TENM3: variants seen among roughly 807,000 people sequenced by gnomAD.
TENM3 encodes teneurin-3.
Under a neutral mutation model 255.1 loss-of-function variants are expected in TENM3, and 63 were observed. That is an observed-to-expected ratio of 0.25 (90% confidence interval 0.20 to 0.30). The LOEUF is 0.30. Ranked by LOEUF, TENM3 falls within the 10% of genes least tolerant of loss-of-function variation. The probability of loss-of-function intolerance (pLI) is 1.00; values close to 1 mark genes in which losing one functional copy is unlikely to be tolerated. For synonymous variants in TENM3, 1,306 were observed against 1,322.3 expected, an observed-to-expected ratio of 0.99 and a Z score of 0.27; for missense variants, 2,929 against 3,461.1, an observed-to-expected ratio of 0.85 and a Z score of 3.86.
intron 1 of TENM3, among the ~76,000 whole-genome samples, chr4:182,225,638 G>A (rs567838850): frequency 1.3e-5 from 2 of 152,300 alleles, no homozygotes; most frequent in Non-Finnish European, 2.9e-5. Flanking sequence ...CTTGAGGTTC[G>A]TTGAGGGAAA....
intron 3 of TENM3, among the ~76,000 whole-genome samples, chr4:182,384,261 T>C (rs1767755552): frequency 6.6e-6 from 1 of 151,528 alleles, no homozygotes; most frequent in Non-Finnish European, 1.5e-5. Context: ...CATGTGTTTA[T>C]ACCCAGAAAA....
intron 3 of TENM3, among the ~76,000 whole-genome samples, chr4:182,407,405 ATAT>A (rs1410534329): frequency 6.6e-6 from 1 of 152,222 alleles, no homozygotes; most frequent in African/African-American, 2.4e-5. Flanking sequence ...TCAAAATAAC[ATAT>A]TATAGGGAAG....
At chr4:181,801,651 A>AATATT in the TENM3 span, among the ~76,000 whole-genome samples, 1 of 80,948 alleles carries the variant, frequency 1.2e-5, no homozygotes, top group African/African-American at 4.3e-5. Context: ...AGAATTGTAA[A>AATATT]ATATATATAT....
chr4:181,479,629 CT>C, the TENM3 span, among the ~76,000 whole-genome samples: 1 of 151,878 alleles, frequency 6.6e-6, no homozygotes, highest in African/African-American at 2.4e-5. Context: ...GGAATTATAG[CT>C]TTATATCAAA....
chr4:182,072,511 T>G, the TENM3 span, among the ~76,000 whole-genome samples: 27 of 152,332 alleles, frequency 1.8e-4, no homozygotes, highest in East Asian at 4.6e-3. Context: ...TAGCTAATTC[T>G]TGAAACCAAA....
chr4:182,072,880 G>C, the TENM3 span, among the ~76,000 whole-genome samples: 2 of 152,122 alleles, frequency 1.3e-5, no homozygotes, highest in African/African-American at 2.4e-5. Context: ...CCCCCAACAT[G>C]ACAGTATTTG....
At chr4:182,699,207 A>G (rs565387191) in intron 12 of TENM3, among the ~76,000 whole-genome samples, 2 of 152,346 alleles carry the variant, frequency 1.3e-5, no homozygotes, top group African/African-American at 4.8e-5. Context: ...GCCCACTGGA[A>G]GGCGGGCCCA....
the TENM3 span, among the ~76,000 whole-genome samples, chr4:182,005,998 C>G: frequency 3.3e-5 from 5 of 152,148 alleles, no homozygotes; most frequent in Admixed American, 3.3e-4. Flanking sequence ...AACATAAAAT[C>G]ATGTAGCCTG....
the TENM3 span, among the ~76,000 whole-genome samples, chr4:181,774,006 T>TTG: frequency 3.0e-5 from 1 of 33,628 alleles, no homozygotes; most frequent in Non-Finnish European, 5.9e-5. Flanking sequence ...TGGCTGTGTT[T>TTG]TTTTTTTTTT....
chr4:182,544,063 C>T (rs907563816), intron 3 of TENM3, among the ~76,000 whole-genome samples: 1 of 152,130 alleles, frequency 6.6e-6, no homozygotes, highest in Admixed American at 6.5e-5. Context: ...GTCAGTTTTC[C>T]TCTCAATGTT....
chr4:182,435,158 CT>C (rs1440049787), intron 3 of TENM3, among the ~76,000 whole-genome samples: 3 of 152,156 alleles, frequency 2.0e-5, no homozygotes, highest in African/African-American at 7.2e-5. Context: ...TTGTCATAGT[CT>C]TTGCTGGTGG....
chr4:182,086,088 T>C, the TENM3 span, among the ~76,000 whole-genome samples: 1 of 152,196 alleles, frequency 6.6e-6, no homozygotes, highest in Non-Finnish European at 1.5e-5. Context: ...GCATTTGAAG[T>C]GTTTTGTTGG....
At chr4:181,916,693 A>G in the TENM3 span, among the ~76,000 whole-genome samples, 1 of 152,156 alleles carries the variant, frequency 6.6e-6, no homozygotes, top group Non-Finnish European at 1.5e-5. Context: ...CCTGGCCAAC[A>G]TGGTGAAACC....
intron 3 of TENM3, among the ~76,000 whole-genome samples, chr4:182,436,234 A>T (rs1772034993): frequency 6.6e-6 from 1 of 152,150 alleles, no homozygotes; most frequent in Non-Finnish European, 1.5e-5. Flanking sequence ...ACTAATAAGT[A>T]AGGGAGATGT....
At chr4:181,991,423 C>T in the TENM3 span, among the ~76,000 whole-genome samples, 1 of 152,058 alleles carries the variant, frequency 6.6e-6, no homozygotes, top group Non-Finnish European at 1.5e-5. Context: ...AAAAGGTTTC[C>T]GCCTAGTTGT....
chr4:182,447,283 A>AC (rs1773005659), intron 3 of TENM3, among the ~76,000 whole-genome samples: 1 of 151,988 alleles, frequency 6.6e-6, no homozygotes, highest in African/African-American at 2.4e-5. Context: ...AAAAAAAAAA[A>AC]AACTAAGGTG....
At chr4:182,081,945 A>G in the TENM3 span, 1 of 152,232 alleles carries the variant, frequency 6.6e-6, no homozygotes, top group Non-Finnish European at 1.5e-5. Flanking sequence ...GATGATACCA[A>G]AACCCTATTG....
chr4:182,697,594 A>T (rs1231307546), intron 12 of TENM3, among the ~76,000 whole-genome samples: 4 of 152,074 alleles, frequency 2.6e-5, no homozygotes, highest in African/African-American at 9.7e-5. Flanking sequence ...CCCCTTCAGA[A>T]CTCGGGAGTA....
intron 1 of TENM3, among the ~76,000 whole-genome samples, chr4:182,218,265 G>A (rs950024122): frequency 3.9e-5 from 6 of 152,164 alleles, no homozygotes; most frequent in African/African-American, 1.4e-4. Context: ...CATCATGGTG[G>A]CCTTAATCTG....
Sources: allele counts gnomAD v4.1 joint callset (sites outside exome capture counted in the v4.1 genomes callset), GRCh38; gene constraint gnomAD v4.1.1; transcripts MANE v1.5; gene names NCBI Gene and HGNC (gene_info 2026-07-23, HGNC 2026-07-21).